The following PUM1 variants were observed in gnomAD, a reference collection of about 807,000 sequenced individuals.
The protein encoded by PUM1 is pumilio RNA binding family member 1.
A neutral mutation model predicts 131.8 loss-of-function variants in PUM1; 13 were observed. That is an observed-to-expected ratio of 0.10 (90% confidence interval 0.06 to 0.16). The LOEUF (loss-of-function observed/expected upper bound fraction) is 0.16, where lower values mean the gene tolerates loss of function less well. Among genes scored for constraint, PUM1 ranks in the 10% least tolerant of loss-of-function variants. The probability of loss-of-function intolerance (pLI) is 1.00; values close to 1 mark genes in which losing one functional copy is unlikely to be tolerated. For missense variants in PUM1, 961 were observed against 1,512.4 expected, an observed-to-expected ratio of 0.64 and a Z score of 6.05; for synonymous variants, 509 against 556.5, an observed-to-expected ratio of 0.91 and a Z score of 1.20.
intron 2 of PUM1, among the ~76,000 whole-genome samples, chr1:31,035,708 G>A (rs536145914): frequency 3.3e-5 from 5 of 151,616 alleles, no homozygotes; most frequent in Non-Finnish European, 5.9e-5. Flanking sequence ...CCGAGATAGC[G>A]CCACTGCACT....
chr1:31,004,906 A>G (rs1289094922), intron 5 of PUM1, among the ~76,000 whole-genome samples: 1 of 152,244 alleles, frequency 6.6e-6, no homozygotes, highest in Non-Finnish European at 1.5e-5. Flanking sequence ...AAATTACATT[A>G]AAATCTTTTA....
intron 2 of PUM1, among the ~76,000 whole-genome samples, chr1:31,029,245 G>GCTC (rs1643328751): frequency 1.3e-5 from 2 of 152,304 alleles, no homozygotes; most frequent in Admixed American, 6.5e-5. Flanking sequence ...AAAGATCATG[G>GCTC]CTCCTCCCCA....
intron 2 of PUM1, chr1:31,037,369 A>G (rs1232712786): frequency 6.6e-6 from 1 of 152,214 alleles, no homozygotes; most frequent in African/African-American, 2.4e-5. Context: ...GCAGGTGGAC[A>G]GTGAAAAGGT....
At chr1:30,974,231 C>T (rs78284465) in intron 10 of PUM1, among the ~76,000 whole-genome samples, 1 of 152,076 alleles carries the variant, frequency 6.6e-6, no homozygotes, top group Admixed American at 6.5e-5. Context: ...GATTTACATC[C>T]AATCCAATCC....
At chr1:31,013,345 G>A (rs1642690510) in intron 3 of PUM1, among the ~76,000 whole-genome samples, 1 of 152,136 alleles carries the variant, frequency 6.6e-6, no homozygotes. Context: ...GGGCTCTCCA[G>A]CAACTACTCT....
chr1:30,980,259 A>C (rs1188399502), intron 8 of PUM1, 96 bp from the exon 9 acceptor site: 1 of 965,720 alleles, frequency 1.0e-6, no homozygotes, highest in Non-Finnish European at 1.6e-6. Flanking sequence ...CAGACAGTAG[A>C]TAAGGAAAAA....
intron 7 of PUM1, among the ~76,000 whole-genome samples, chr1:30,986,636 G>T (rs1641571441): frequency 6.6e-6 from 1 of 151,724 alleles, no homozygotes; most frequent in Admixed American, 6.6e-5. Context: ...GATTTCTAAG[G>T]TCCTAGGGAA....
chr1:31,057,724 C>CAAAAAA (rs58490041), intron 2 of PUM1, among the ~76,000 whole-genome samples: 29 of 72,428 alleles, frequency 4.0e-4, no homozygotes, highest in African/African-American at 1.1e-3. Context: ...GACTCCATCT[C>CAAAAAA]AAAAAAAAAA....
intron 11 of PUM1, 166 bp downstream of exon 11, chr1:30,968,188 C>T (rs755725967): frequency 2.2e-6 from 2 of 898,084 alleles, no homozygotes; most frequent in East Asian, 2.4e-5. Context: ...ATGCTCTCAT[C>T]AGTGAACTAT....
chr1:30,961,942 A>G (rs546816347), intron 14 of PUM1, among the ~76,000 whole-genome samples: 2 of 152,208 alleles, frequency 1.3e-5, no homozygotes, highest in South Asian at 2.1e-4. Flanking sequence ...AACAGAAGCT[A>G]TATTAGGTGT....
chr1:30,941,306 T>C, intron 19 of PUM1, 34 bp from the exon 20 acceptor site: 1 of 1,595,694 alleles, frequency 6.3e-7, no homozygotes, highest in Non-Finnish European at 8.6e-7. Flanking sequence ...ATAAAATGTA[T>C]GTGAAAGCCA....
chr1:30,967,108 C>T, intron 12 of PUM1, 59 bp downstream of exon 12: 1 of 1,592,566 alleles, frequency 6.3e-7, no homozygotes, highest in South Asian at 1.1e-5. Flanking sequence ...CTTTAAGAAT[C>T]TCACTATCAG....
At chr1:31,057,724 C>CAAAAAAAAAAAA in intron 2 of PUM1, among the ~76,000 whole-genome samples, 1 of 72,484 alleles carries the variant, frequency 1.4e-5, no homozygotes, top group Non-Finnish European at 2.4e-5. Flanking sequence ...GACTCCATCT[C>CAAAAAAAAAAAA]AAAAAAAAAA....
chr1:30,962,059 ACTGAG>A (rs1259249460), intron 14 of PUM1, among the ~76,000 whole-genome samples: 5 of 152,214 alleles, frequency 3.3e-5, no homozygotes, highest in Non-Finnish European at 7.3e-5. Flanking sequence ...GAGGAAACAG[ACTGAG>A]CTGAGGCAAA....
intron 14 of PUM1, among the ~76,000 whole-genome samples, chr1:30,961,637 T>A (rs1364041747): frequency 1.3e-5 from 2 of 152,028 alleles, no homozygotes; most frequent in Admixed American, 1.3e-4. Context: ...AAAAAAATAA[T>A]AGGAAAAATT....
rs1177026271 is a variant in PUM1, at chr1:30,964,859, C to T, written c.2138G>A (p.Ser713Asn). The T allele has an allele frequency of 1.2e-6, 2 of 1,613,996 alleles. No homozygotes were observed. Among genetic ancestry groups the T allele is most frequent in the African/African-American group, 2.7e-5 (2 of 74,920 alleles). ...CGATGTCCTCTTATAAAGGTCACTG[C>T]TGCCAGTCAGGGAGTCACGGCGGGA... ...SGSRRDSLTGSSDLYKRTSSS... is the reference protein window; with the variant it reads ...SGSRRDSLTGNSDLYKRTSSS... The change falls in exon 14 of 22, where the codon AGC becomes AAC. Residue 713 changes from serine to asparagine, a missense_variant. By Grantham distance (46) the Ser-to-Asn change is conservative. This residue lies in a region of PUM1 where 654 missense variants were observed against 923.9 expected (regional missense o/e 0.71). Coordinates refer to ENST00000426105, the MANE Select transcript of PUM1 (RefSeq NM_001020658.2).
chr1:30,950,722 T>TG (rs1639898545), intron 16 of PUM1, among the ~76,000 whole-genome samples: 1 of 152,176 alleles, frequency 6.6e-6, no homozygotes, highest in African/African-American at 2.4e-5. Flanking sequence ...TGGCTGGGCA[T>TG]GGTGGCACGC....
At chr1:31,053,541 C>T (rs761592278) in intron 2 of PUM1, among the ~76,000 whole-genome samples, 28 of 148,296 alleles carry the variant, frequency 1.9e-4, no homozygotes, top group Non-Finnish European at 3.6e-4. Context: ...GGCACAATCT[C>T]GGCTCACTGC....
chr1:30,989,464 C>T (rs1336589306), intron 7 of PUM1, among the ~76,000 whole-genome samples: 5 of 143,182 alleles, frequency 3.5e-5, no homozygotes, highest in East Asian at 2.2e-4. Context: ...CCCAGCTACT[C>T]GGGAGGCTGA....
Sources: gnomAD v4.1 joint callset for allele counts (sites outside exome capture counted in the v4.1 genomes callset) on GRCh38, gnomAD v4.1.1 for gene constraint, gnomAD v4.1.1 regional missense constraint, MANE v1.5 for transcripts, NCBI Gene and HGNC (gene_info 2026-07-23, HGNC 2026-07-21) for gene names.